The following SNTG1 variants were observed in gnomAD, a reference collection of about 807,000 sequenced individuals.
The protein encoded by SNTG1 is gamma-1-syntrophin.
In SNTG1, 39 loss-of-function variants were observed where a neutral mutation model predicts 74.7. The observed-to-expected ratio is 0.52, with a 90% CI of 0.40 to 0.68. The LOEUF (loss-of-function observed/expected upper bound fraction) is 0.68. Ranked by LOEUF, SNTG1 falls within the 30% of genes least tolerant of loss-of-function variation. The probability of loss-of-function intolerance (pLI) is 0.00; values close to 1 mark genes in which losing one functional copy is unlikely to be tolerated. For synonymous variants in SNTG1, 254 were observed against 217.1 expected (o/e 1.17, Z -1.49); for missense variants, 685 against 609.5 (o/e 1.12, Z -1.30).
At chr8:50,152,739 C>G (rs1479887193) in intron 1 of SNTG1, among the ~76,000 whole-genome samples, 3 of 152,182 alleles carry the variant, frequency 2.0e-5, no homozygotes, top group Non-Finnish European at 2.9e-5. Flanking sequence ...TTGGCCCCCA[C>G]TCTCTTCTGG....
At chr8:50,122,604 A>G (rs1315164319) in intron 1 of SNTG1, among the ~76,000 whole-genome samples, 1 of 142,030 alleles carries the variant, frequency 7.0e-6, no homozygotes, top group Non-Finnish European at 1.6e-5. Flanking sequence ...TCAATAACTA[A>G]TTAAAGGAGG....
intron 1 of SNTG1, among the ~76,000 whole-genome samples, chr8:49,995,390 T>C (rs1814108256): frequency 6.6e-6 from 1 of 152,190 alleles, no homozygotes; most frequent in African/African-American, 2.4e-5. Context: ...TGTTTGAGAA[T>C]AGAGAAATTG....
At chr8:50,138,503 T>C (rs1423346799) in intron 1 of SNTG1, among the ~76,000 whole-genome samples, 3 of 151,690 alleles carry the variant, frequency 2.0e-5, no homozygotes, top group Admixed American at 2.0e-4. Flanking sequence ...CACACCCCTG[T>C]AATCCCAGCT....
At chr8:50,261,528 A>G (rs146247125) in intron 2 of SNTG1, among the ~76,000 whole-genome samples, 43 of 152,244 alleles carry the variant, frequency 2.8e-4, no homozygotes, top group African/African-American at 9.9e-4. Flanking sequence ...CAAATAGACA[A>G]CAGATTACTA....
chr8:50,597,865 G>A (rs1270539205), intron 13 of SNTG1, among the ~76,000 whole-genome samples: 1 of 151,836 alleles, frequency 6.6e-6, no homozygotes, highest in Non-Finnish European at 1.5e-5. Context: ...GTATTCTTTT[G>A]AGAAATGTCT....
chr8:50,530,336 T>C, intron 10 of SNTG1, 77 bp downstream of exon 10: 1 of 1,322,264 alleles, frequency 7.6e-7, no homozygotes, highest in Non-Finnish European at 1.1e-6. Flanking sequence ...GAATCTGATT[T>C]ATCTGACAGA....
chr8:50,236,575 C>G (rs201511211), intron 2 of SNTG1, among the ~76,000 whole-genome samples: 1 of 151,538 alleles, frequency 6.6e-6, no homozygotes, highest in Non-Finnish European at 1.5e-5. Flanking sequence ...CTCAGCCTCC[C>G]GAGTAGCTGG....
chr8:50,321,324 A>G (rs2090519726), intron 2 of SNTG1, among the ~76,000 whole-genome samples: 1 of 151,946 alleles, frequency 6.6e-6, no homozygotes, highest in African/African-American at 2.4e-5. Context: ...CTTGAAATCT[A>G]TTTTGTCTGA....
intron 1 of SNTG1, among the ~76,000 whole-genome samples, chr8:50,083,849 T>C (rs1822630672): frequency 6.6e-6 from 1 of 152,206 alleles, no homozygotes; most frequent in Admixed American, 6.5e-5. Context: ...ATCCAGTCAG[T>C]AATTTTGCAA....
At chr8:50,623,896 A>G (rs2094939868) in intron 13 of SNTG1, among the ~76,000 whole-genome samples, 1 of 151,992 alleles carries the variant, frequency 6.6e-6, no homozygotes, top group African/African-American at 2.4e-5. Flanking sequence ...TTAAACTCTT[A>G]AAATTATACT....
At chr8:50,253,292 G>C (rs529811073) in intron 2 of SNTG1, among the ~76,000 whole-genome samples, 2 of 151,936 alleles carry the variant, frequency 1.3e-5, no homozygotes, top group South Asian at 2.1e-4. Flanking sequence ...GCGTGGTGGC[G>C]GGCACCTGTA....
chr8:50,306,867 C>G (rs1159709579), intron 2 of SNTG1, among the ~76,000 whole-genome samples: 1 of 151,714 alleles, frequency 6.6e-6, no homozygotes, highest in Non-Finnish European at 1.5e-5. Context: ...TTTCTTTTGC[C>G]ATGCGGAAGC....
At chr8:49,915,344 GCATT>G (rs1315781009) in intron 1 of SNTG1, among the ~76,000 whole-genome samples, 3 of 152,056 alleles carry the variant, frequency 2.0e-5, no homozygotes, top group Non-Finnish European at 4.4e-5. Flanking sequence ...ATTTCCAATA[GCATT>G]CATTCATTCG....
At chr8:50,212,873 G>A (rs1476740841) in intron 2 of SNTG1, among the ~76,000 whole-genome samples, 1 of 152,170 alleles carries the variant, frequency 6.6e-6, no homozygotes, top group Non-Finnish European at 1.5e-5. Context: ...TTGAATAGAA[G>A]TTTTGGCTGG....
At chr8:50,457,510 G>A (rs1446278279) in intron 8 of SNTG1, among the ~76,000 whole-genome samples, 1 of 152,180 alleles carries the variant, frequency 6.6e-6, no homozygotes, top group Non-Finnish European at 1.5e-5. Context: ...TAGGCAAAAT[G>A]TTTTTACTTC....
intron 1 of SNTG1, among the ~76,000 whole-genome samples, chr8:50,126,106 G>A (rs2081130011): frequency 1.3e-5 from 2 of 152,116 alleles, no homozygotes; most frequent in South Asian, 2.1e-4. Flanking sequence ...ACAAGTGGCC[G>A]CACACTGAGA....
At chr8:50,635,741 G>C (rs2095034972) in intron 13 of SNTG1, among the ~76,000 whole-genome samples, 1 of 152,156 alleles carries the variant, frequency 6.6e-6, no homozygotes, top group Non-Finnish European at 1.5e-5. Flanking sequence ...AAGGGCCAAG[G>C]CCTATAATCA....
At chr8:50,488,585 C>T (rs1219220805) in intron 8 of SNTG1, among the ~76,000 whole-genome samples, 4 of 152,112 alleles carry the variant, frequency 2.6e-5, no homozygotes, top group Non-Finnish European at 5.9e-5. Context: ...CCTTTCTGGG[C>T]TTGCATATTG....
chr8:50,094,327 T>A (rs2079850337), intron 1 of SNTG1, among the ~76,000 whole-genome samples: 1 of 152,140 alleles, frequency 6.6e-6, no homozygotes, highest in Admixed American at 6.6e-5. Context: ...ATTTACTGTT[T>A]ATAAATTTAG....
Sources: allele counts gnomAD v4.1 joint callset (sites outside exome capture counted in the v4.1 genomes callset), GRCh38; gene constraint gnomAD v4.1.1; transcripts MANE v1.5; gene names NCBI Gene and HGNC (gene_info 2026-07-23, HGNC 2026-07-21).